RGPD4: variants seen among roughly 807,000 people sequenced by gnomAD.
RGPD4 encodes the protein ranBP2-like and GRIP domain-containing protein 4.
Under a neutral mutation model 141.1 loss-of-function variants are expected in RGPD4, and 84 were observed. The ratio of observed to expected loss-of-function variants is 0.60; its 90% CI spans 0.50 to 0.71. RGPD4 has a LOEUF of 0.71. Ranked by LOEUF, RGPD4 falls within the 30% of genes least tolerant of loss-of-function variation. RGPD4 has a pLI of 0.00. For synonymous variants in RGPD4, 298 were observed against 566.8 expected (o/e 0.53, Z 6.74); for missense variants, 918 against 1,622.4 (o/e 0.57, Z 7.46).
intron 6 of RGPD4, among the ~76,000 whole-genome samples, chr2:107,845,755 G>A (rs181527313): frequency 1.4e-4 from 21 of 152,174 alleles, no homozygotes; most frequent in African/African-American, 3.1e-4. Context: ...TAGTAGAGAC[G>A]GAGTGTCACC....
chr2:107,888,665 G>A (rs1472660370), intron 22 of RGPD4, among the ~76,000 whole-genome samples: 2 of 141,246 alleles, frequency 1.4e-5, no homozygotes, highest in South Asian at 2.4e-4. Flanking sequence ...AAAAATGATA[G>A]ATTACAAGAG....
intron 6 of RGPD4, among the ~76,000 whole-genome samples, chr2:107,844,979 G>T (rs1187453238): frequency 2.1e-5 from 3 of 141,594 alleles, no homozygotes; most frequent in Admixed American, 1.4e-4. Context: ...GGGACCACAG[G>T]CGCACACCAC....
chr2:107,888,301 C>T (rs1675563728), intron 22 of RGPD4, among the ~76,000 whole-genome samples: 1 of 133,514 alleles, frequency 7.5e-6, no homozygotes, highest in African/African-American at 3.0e-5. Flanking sequence ...GATCTGAGAA[C>T]ACAGCAAAAT....
At chr2:107,849,650 C>T (rs1190726548) in intron 7 of RGPD4, among the ~76,000 whole-genome samples, 2 of 83,798 alleles carry the variant, frequency 2.4e-5, no homozygotes, top group African/African-American at 4.8e-5. Context: ...GATTTACAGG[C>T]GTGAGCCACC....
chr2:107,849,491 T>C (rs1255990669), intron 7 of RGPD4, among the ~76,000 whole-genome samples: 1 of 109,086 alleles, frequency 9.2e-6, no homozygotes. Context: ...CTCAGCCTCC[T>C]GAGTAGCTGG....
chr2:107,830,995 T>C (rs2104396213), intron 1 of RGPD4, among the ~76,000 whole-genome samples: 1 of 152,004 alleles, frequency 6.6e-6, no homozygotes, highest in East Asian at 1.9e-4. Context: ...CTGACCAATA[T>C]GGTGAAAATC....
chr2:107,873,154 A>AT (rs1206132853), intron 20 of RGPD4, among the ~76,000 whole-genome samples: 2 of 55,212 alleles, frequency 3.6e-5, no homozygotes, highest in African/African-American at 8.3e-5. Context: ...TACTTCTATC[A>AT]TGCTAGGGCA....
rs752849054 is a variant in RGPD4, at chr2:107,870,799, A to G, written c.2795A>G (p.Asn932Ser). The G allele has an allele frequency of 6.2e-6, 10 of 1,606,010 alleles. 1 individual carries two copies. Among genetic ancestry groups the G allele is most frequent in the Non-Finnish European group, 8.5e-6 (10 of 1,175,890 alleles). Residue 932 changes from asparagine to serine, a missense_variant, in exon 20 of 23, where the codon AAT becomes AGT. By Grantham distance (46) the Asn-to-Ser change is conservative. Transcript: ENST00000408999. The part of the protein sequence containing the change: ...GFKFGISEPG[N>S]QEKESEKPLE... ...AAATTTGGCATTTCGGAACCAGGAAATCAAGAAAAGGAAAGTGAAAAGCCT... is the reference window on the plus strand; with the variant it reads ...AAATTTGGCATTTCGGAACCAGGAAGTCAAGAAAAGGAAAGTGAAAAGCCT...
At chr2:107,879,941 A>C in intron 20 of RGPD4, 27 bp from the exon 21 acceptor site, 1 of 1,610,070 alleles carries the variant, frequency 6.2e-7, no homozygotes, top group East Asian at 2.2e-5. Context: ...GATTTTGAAA[A>C]TTAATTCTTG....
Position 107,890,800 on chromosome 2 carries a change from A to C in RGPD4, c.*69A>C, listed in dbSNP as rs1319252664. 59 of 1,591,860 alleles carry C rather than the reference A, an allele frequency of 3.7e-5. No individual in the cohort carries two copies. The highest frequency in any genetic ancestry group is 5.0e-5 in the Non-Finnish European group (58 of 1,169,208). On this transcript the variant is annotated 3_prime_UTR_variant, in exon 23 of 23. Coordinates refer to ENST00000408999, the MANE Select transcript of RGPD4 (RefSeq NM_182588.3). ...GGTTTGGACTTCGATAGGTTGATGG[A>C]AGGAATATTTTTATTAACCAAATAA...
intron 21 of RGPD4, among the ~76,000 whole-genome samples, 181 bp downstream of exon 21, chr2:107,880,288 C>G (rs1675320998): frequency 2.1e-5 from 1 of 47,670 alleles, no homozygotes; most frequent in Admixed American, 3.0e-4. Flanking sequence ...TTTTTTGAGA[C>G]AGTCTTGCTT....
At chr2:107,884,133 T>C (rs832346) in intron 22 of RGPD4, among the ~76,000 whole-genome samples, 117,738 of 150,812 alleles carry the variant, frequency 0.78, 46,889 homozygotes, top group African/African-American at 0.88. Flanking sequence ...TTGTTTGAGA[T>C]GTAGTGTTGC....
Position 107,862,853 on chromosome 2 carries a change from AG to A in RGPD4, c.2378del (p.Ser793IlefsTer20), listed in dbSNP as rs1682593796. ...PTKYSLSPSK[S>X]YKYSPKTPPR... The stretch of plus-strand genomic sequence containing the variant: ...CAAATATTCACTATCACCAAGTAAA[AG>A]TTACAAGGTAAACAGGAAAGAATGG... On this transcript the variant is annotated frameshift_variant, in exon 16 of 23. Coordinates refer to ENST00000408999, the MANE Select transcript of RGPD4 (RefSeq NM_182588.3). LOFTEE classifies it high-confidence loss of function. The A allele has an allele frequency of 6.7e-7, 1 of 1,490,116 alleles. No homozygotes were observed. Among genetic ancestry groups the A allele is most frequent in the Admixed American group, 1.8e-5 (1 of 56,334 alleles). 92.3% of individuals were successfully genotyped at this position (1,490,116 alleles called of 1,614,324 possible).
intron 22 of RGPD4, among the ~76,000 whole-genome samples, chr2:107,885,340 AAGTTTTCAAT>A (rs1387746431): frequency 6.6e-6 from 1 of 152,196 alleles, no homozygotes; most frequent in Non-Finnish European, 1.5e-5. Flanking sequence ...TTTAAAATTA[AAGTTTTCAAT>A]AGTTTTCAAT....
chr2:107,873,685 T>G (rs1291215297), intron 20 of RGPD4, among the ~76,000 whole-genome samples: 3 of 151,788 alleles, frequency 2.0e-5, no homozygotes, highest in Non-Finnish European at 4.4e-5. Flanking sequence ...ACTACAGGGA[T>G]AAATGAATAT....
chr2:107,849,437 G>T (rs1682058858), intron 7 of RGPD4, among the ~76,000 whole-genome samples: 1 of 138,928 alleles, frequency 7.2e-6, no homozygotes, highest in Non-Finnish European at 1.5e-5. Flanking sequence ...CACGATCTCG[G>T]CTCACTGCAA....
chr2:107,880,430 A>C (rs1335872748), intron 21 of RGPD4, among the ~76,000 whole-genome samples: 1 of 150,702 alleles, frequency 6.6e-6, no homozygotes, highest in Non-Finnish European at 1.5e-5. Flanking sequence ...TGCCTGGCTA[A>C]TTTCTTTGTA....
At chr2:107,880,589 T>G (rs1315236422) in intron 21 of RGPD4, among the ~76,000 whole-genome samples, 3 of 151,406 alleles carry the variant, frequency 2.0e-5, no homozygotes, top group African/African-American at 7.3e-5. Context: ...ACCTATTACA[T>G]AAAGATTATT....
At chr2:107,885,821 G>T (rs1307012522) in intron 22 of RGPD4, among the ~76,000 whole-genome samples, 2 of 152,008 alleles carry the variant, frequency 1.3e-5, no homozygotes, top group Non-Finnish European at 2.9e-5. Flanking sequence ...GGGAGGCTGA[G>T]GAGGGTAGAT....
Sources: gnomAD v4.1 joint callset for allele counts (sites outside exome capture counted in the v4.1 genomes callset) on GRCh38, gnomAD v4.1.1 for gene constraint, MANE v1.5 for transcripts, NCBI Gene and HGNC (gene_info 2026-07-23, HGNC 2026-07-21) for gene names.